The following TEX9 variants were observed in gnomAD, a reference collection of about 807,000 sequenced individuals.
TEX9 encodes the protein testis-expressed protein 9.
In TEX9, 74 loss-of-function variants were observed where a neutral mutation model predicts 59.6. The observed-to-expected ratio is 1.24, with a 90% CI of 1.03 to 1.51. The LOEUF (loss-of-function observed/expected upper bound fraction) is 1.51. Among genes scored for constraint, TEX9 ranks in the 40% most tolerant of loss-of-function variants. The pLI is 0.00. For synonymous variants in TEX9, 186 were observed against 152.2 expected (o/e 1.22, Z -1.64); for missense variants, 522 against 447.8 (o/e 1.17, Z -1.49).
chr15:56,284,009 A>C (rs747764770), intron 1 of TEX9, among the ~76,000 whole-genome samples: 45 of 152,344 alleles, frequency 3.0e-4, no homozygotes, highest in Non-Finnish European at 5.0e-4. Context: ...ATTTTTAACA[A>C]TCGATAGTGC....
At chr15:56,331,579 G>A (rs1330377504) in intron 1 of TEX9, among the ~76,000 whole-genome samples, 3 of 151,890 alleles carry the variant, frequency 2.0e-5, no homozygotes, top group Non-Finnish European at 4.4e-5. Context: ...AGATTAAGAA[G>A]GAAATTGAAA....
chr15:56,443,783 G>A, intron 12 of TEX9: 1 of 1,612,666 alleles, frequency 6.2e-7, no homozygotes, highest in Non-Finnish European at 8.5e-7. Context: ...TCTCCAGAGA[G>A]CCTGCTCTTT....
At position 56,394,834 on chromosome 15, in the gene TEX9, G is replaced by C. The variant is rs141149800; in HGVS notation, c.828G>C (p.Arg276Ser). The C allele has an allele frequency of 3.0e-4, 484 of 1,602,150 alleles. 1 individual carries two copies. In the African/African-American group the frequency reaches 5.8e-3, roughly 19 times the overall value. ...AGCAACAGTTGTCTTCAGTAGAAAG[G>C]GTAATTATTTGGTATTTTTCCTAAC... Residue 276 changes from arginine (R) to serine (S), a missense_variant and splice_region_variant, in exon 9 of 13, where the codon AGG becomes AGC. By Grantham distance (110) the Arg-to-Ser change is moderately radical. Coordinates refer to ENST00000352903, the Ensembl canonical transcript of TEX9.
intron 1 of TEX9, among the ~76,000 whole-genome samples, chr15:56,263,177 C>G (rs1596050174): frequency 6.6e-6 from 1 of 152,186 alleles, no homozygotes. Context: ...TCATTTGCCA[C>G]CATGCCCGGC....
At chr15:56,297,787 G>C (rs1247149401) in intron 1 of TEX9, among the ~76,000 whole-genome samples, 1 of 152,222 alleles carries the variant, frequency 6.6e-6, no homozygotes, top group Non-Finnish European at 1.5e-5. Flanking sequence ...TAACAGGCGT[G>C]AGCCACCGTG....
intron 3 of TEX9, among the ~76,000 whole-genome samples, chr15:56,375,341 T>C (rs1163621255): frequency 4.6e-5 from 7 of 152,328 alleles, no homozygotes; most frequent in Admixed American, 2.6e-4. Flanking sequence ...TCATTTCCTT[T>C]GCCCACTTTT....
chr15:56,440,695 T>TA (rs1203139221), intron 12 of TEX9, among the ~76,000 whole-genome samples: 1 of 151,904 alleles, frequency 6.6e-6, no homozygotes, highest in African/African-American at 2.4e-5. Flanking sequence ...TTATGCTGAA[T>TA]AAAAAAAAGC....
At chr15:56,431,610 C>T in intron 12 of TEX9, 1 of 939,494 alleles carries the variant, frequency 1.1e-6, no homozygotes, top group Non-Finnish European at 1.6e-6. Context: ...CTATTTATGA[C>T]ACTAAGTTCA....
chr15:56,341,356 C>A (rs548284116), intron 1 of TEX9, among the ~76,000 whole-genome samples: 1 of 152,162 alleles, frequency 6.6e-6, no homozygotes, highest in African/African-American at 2.4e-5. Flanking sequence ...TTGCACTCAA[C>A]CACAGTTGAA....
At chr15:56,428,567 T>A (rs2050441726) in intron 12 of TEX9, 2 of 645,204 alleles carry the variant, frequency 3.1e-6, no homozygotes, top group Admixed American at 6.0e-5. Context: ...CAAAATAATT[T>A]CAAAGAATTC....
At chr15:56,429,197 C>T (rs763739124) in intron 12 of TEX9, 19 of 1,571,862 alleles carry the variant, frequency 1.2e-5, no homozygotes, top group African/African-American at 5.5e-5. Context: ...ATACTCCCTA[C>T]GAGAAAAATA....
At chr15:56,412,313 T>C in exon 10 of TEX9, 2 of 1,608,834 alleles carry the variant, frequency 1.2e-6, no homozygotes, top group Non-Finnish European at 1.7e-6. Flanking sequence ...AATTAGAAAA[T>C]AAAAGAAGAC....
At chr15:56,391,360 A>C (rs1210893728) in exon 7 of TEX9, 9 of 1,592,426 alleles carry the variant, frequency 5.7e-6, no homozygotes, top group Non-Finnish European at 7.7e-6. Flanking sequence ...TGGAGGAAGA[A>C]GGCTTACCTG....
intron 9 of TEX9, chr15:56,408,416 G>T (rs1169831675): frequency 1.3e-5 from 2 of 152,084 alleles, no homozygotes; most frequent in Non-Finnish European, 2.9e-5. Context: ...CATTTTCCTG[G>T]CCTTACGTAG....
chr15:56,413,282 A>T (rs1005864616), intron 10 of TEX9, among the ~76,000 whole-genome samples: 35 of 660 alleles, frequency 0.053, no homozygotes, highest in East Asian at 0.38. Context: ...ATAATTAAAT[A>T]ATTTAATAAT....
the TEX9 span, among the ~76,000 whole-genome samples, chr15:56,453,043 T>C: frequency 1.3e-5 from 2 of 152,220 alleles, no homozygotes; most frequent in African/African-American, 4.8e-5. Flanking sequence ...GTCAGTTATA[T>C]TTTCTTTTCC....
At chr15:56,403,079 G>C (rs1333838339) in intron 9 of TEX9, among the ~76,000 whole-genome samples, 2 of 152,170 alleles carry the variant, frequency 1.3e-5, no homozygotes, top group Non-Finnish European at 2.9e-5. Context: ...TGGCACAAGA[G>C]AAGGATGCCC....
chr15:56,355,655 A>T (rs1313973804), intron 1 of TEX9, among the ~76,000 whole-genome samples: 1 of 152,132 alleles, frequency 6.6e-6, no homozygotes, highest in African/African-American at 2.4e-5. Flanking sequence ...AAGTTTTGCT[A>T]GGATGTTGAT....
At chr15:56,381,725 G>A (rs1278069614) in intron 3 of TEX9, among the ~76,000 whole-genome samples, 6 of 152,188 alleles carry the variant, frequency 3.9e-5, no homozygotes, top group African/African-American at 1.4e-4. Flanking sequence ...TTCTCTCTGT[G>A]CTGAGCTGTC....
Sources: allele counts gnomAD v4.1 joint callset (sites outside exome capture counted in the v4.1 genomes callset), GRCh38; gene constraint gnomAD v4.1.1; transcripts MANE v1.5; gene names NCBI Gene and HGNC (gene_info 2026-07-23, HGNC 2026-07-21).